PHACTR1: variants seen among roughly 807,000 people sequenced by gnomAD.
PHACTR1 encodes the protein phosphatase and actin regulator 1.
PHACTR1 carries 16 observed loss-of-function variants against 69.2 expected under a neutral mutation model. The observed-to-expected ratio is 0.23, with a 90% CI of 0.16 to 0.35. The LOEUF is 0.35. Ranked by LOEUF, PHACTR1 falls within the 10% of genes least tolerant of loss-of-function variation. The pLI is 1.00. For missense variants in PHACTR1, 510 were observed against 734.7 expected (o/e 0.69, Z 3.54); for synonymous variants, 312 against 284.5 (o/e 1.10, Z -0.97).
rs1292088611 is a variant in PHACTR1 at position 13,283,365 on chromosome 6, C to G, written c.1510-57C>G. The stretch of plus-strand genomic sequence containing the variant: ...ACACCTGCAAGTTCACAGACAGGAC[C>G]AAGTGCCATGGTCAACCCTTCTGGC... On this transcript the variant is annotated intron_variant, in intron 12 of 14. Coordinates refer to ENST00000332995, the MANE Select transcript of PHACTR1 (RefSeq NM_030948.6). This position sits in a 1 kb window ranked among gnomAD's most constrained non-coding sequence, Gnocchi z 4.7. 9.4e-6 allele frequency: 15 copies of G among 1,597,718 alleles called. No individual in the cohort carries two copies. The African/African-American group carries it at 1.7e-4, about 19-fold the overall frequency.
intron 5 of PHACTR1, among the ~76,000 whole-genome samples, chr6:13,155,240 C>G (rs527315630): frequency 3.3e-5 from 5 of 152,288 alleles, no homozygotes; most frequent in Admixed American, 2.6e-4. Context: ...CTTAATGTTA[C>G]CATGCTTCGG....
chr6:12,738,249 CT>C (rs1764553069), intron 3 of PHACTR1, among the ~76,000 whole-genome samples: 2 of 152,168 alleles, frequency 1.3e-5, no homozygotes, highest in Admixed American at 6.5e-5. Flanking sequence ...GCATTCTAGT[CT>C]GGGGTGCTCC....
rs1805284809 is a variant in PHACTR1, at chr6:13,047,641, T to A, written c.251-5724T>A. The stretch of plus-strand genomic sequence containing the variant: ...GGTCCTCCAAAAACCCTAGGAGCAT[T>A]TAGCACATGGGGAGATCTCCACTGG... On this transcript the variant is annotated intron_variant, in intron 4 of 14. Coordinates refer to ENST00000332995, the MANE Select transcript of PHACTR1 (RefSeq NM_030948.6). Among the ~76,000 whole-genome samples the A allele has an allele frequency of 2.0e-5, 3 of 151,476 alleles. No homozygotes were observed. In the South Asian group the frequency reaches 6.3e-4, roughly 32 times the overall value.
At chr6:12,747,130 A>C (rs1889062) in intron 3 of PHACTR1, among the ~76,000 whole-genome samples, 146,015 of 152,260 alleles carry the variant, frequency 0.96, 70,320 homozygotes, top group East Asian at 1. Flanking sequence ...ATAAACGGGA[A>C]ATAATAATGA....
At chr6:13,133,332 C>G (rs575699848) in intron 5 of PHACTR1, among the ~76,000 whole-genome samples, 1 of 150,548 alleles carries the variant, frequency 6.6e-6, no homozygotes, top group South Asian at 2.1e-4. Flanking sequence ...CACGGTCTCC[C>G]TCTGATGCCA....
chr6:13,189,170 GTAA>G (rs918137057), intron 7 of PHACTR1, among the ~76,000 whole-genome samples: 2 of 152,176 alleles, frequency 1.3e-5, no homozygotes, highest in Non-Finnish European at 2.9e-5. Flanking sequence ...TCACATTTGG[GTAA>G]TAATAATGTC....
At chr6:12,852,075 T>C (rs373945970) in intron 4 of PHACTR1, among the ~76,000 whole-genome samples, 3 of 152,170 alleles carry the variant, frequency 2.0e-5, no homozygotes, top group Admixed American at 2.0e-4. Flanking sequence ...CCTCAGGGGA[T>C]TCCCCCTCCT....
intron 4 of PHACTR1, among the ~76,000 whole-genome samples, chr6:12,892,860 G>A (rs1784294784): frequency 6.6e-6 from 1 of 152,210 alleles, no homozygotes; most frequent in African/African-American, 2.4e-5. Flanking sequence ...TATCATCATT[G>A]ATAGGGAGAA....
intron 4 of PHACTR1, among the ~76,000 whole-genome samples, chr6:12,976,845 C>T (rs897816086): frequency 2.0e-5 from 3 of 152,026 alleles, no homozygotes; most frequent in African/African-American, 7.3e-5. Flanking sequence ...TACTTAATTG[C>T]TCTACTTTAT....
At chr6:12,816,765 T>C (rs1245099653) in intron 4 of PHACTR1, among the ~76,000 whole-genome samples, 1 of 152,208 alleles carries the variant, frequency 6.6e-6, no homozygotes, top group African/African-American at 2.4e-5. Flanking sequence ...GAAAGATGTG[T>C]TGACAAGTGT....
chr6:13,017,960 A>C (rs1431396707), intron 4 of PHACTR1, among the ~76,000 whole-genome samples: 1 of 152,210 alleles, frequency 6.6e-6, no homozygotes, highest in Non-Finnish European at 1.5e-5. Context: ...TCATTTTACT[A>C]TATATGATTC....
intron 5 of PHACTR1, among the ~76,000 whole-genome samples, chr6:13,102,621 T>C (rs1202639805): frequency 2.6e-5 from 4 of 152,208 alleles, no homozygotes; most frequent in Admixed American, 6.5e-5. Context: ...ACCAAGCCTG[T>C]TGCCAGATCT....
chr6:13,171,183 A>G lies in PHACTR1; in HGVS notation c.496+10899A>G. ...CACAGTCCCCACCCCACCCCACCCC[A>G]CTTCCGCCCAAGTAGAGCCGAGATC... is the stretch of plus-strand genomic sequence containing the variant. On this transcript the variant is annotated intron_variant, in intron 6 of 14. Coordinates refer to ENST00000332995, the MANE Select transcript of PHACTR1 (RefSeq NM_030948.6). Among the ~76,000 whole-genome samples the G allele has an allele frequency of 3.7e-5, 3 of 80,798 alleles. No homozygotes were observed. In the Admixed American group the frequency reaches 4.0e-4, roughly 11 times the overall value. The allele number at this position is 80,798 out of a possible 152,430, so 53.0% of individuals were successfully genotyped here.
chr6:12,939,710 T>C (rs1358827215), intron 4 of PHACTR1, among the ~76,000 whole-genome samples: 1 of 151,830 alleles, frequency 6.6e-6, no homozygotes, highest in Non-Finnish European at 1.5e-5. Context: ...CCCCAGGAGC[T>C]AGGGGGGGCC....
intron 10 of PHACTR1, among the ~76,000 whole-genome samples, chr6:13,257,010 A>G (rs1451715072): frequency 6.6e-6 from 1 of 152,220 alleles, no homozygotes; most frequent in Non-Finnish European, 1.5e-5. Context: ...AACTGCTACA[A>G]AGAAATACCT....
At chr6:12,817,001 G>C (rs575542333) in intron 4 of PHACTR1, among the ~76,000 whole-genome samples, 1 of 152,258 alleles carries the variant, frequency 6.6e-6, no homozygotes, top group Admixed American at 6.5e-5. Flanking sequence ...GTGTGTGGGG[G>C]TGCATGTGTG....
chr6:12,861,289 C>T (rs1780913817), intron 4 of PHACTR1, among the ~76,000 whole-genome samples: 1 of 152,184 alleles, frequency 6.6e-6, no homozygotes, highest in African/African-American at 2.4e-5. Context: ...CGCTACTATT[C>T]AGAAGACAAA....
At chr6:13,104,307 T>A (rs1303728845) in intron 5 of PHACTR1, among the ~76,000 whole-genome samples, 5 of 152,108 alleles carry the variant, frequency 3.3e-5, no homozygotes, top group African/African-American at 1.2e-4. Flanking sequence ...AGAAAAAAAA[T>A]TTATTAAAGC....
chr6:13,169,974 C>T (rs1437916746), intron 6 of PHACTR1, among the ~76,000 whole-genome samples: 1 of 152,182 alleles, frequency 6.6e-6, no homozygotes, highest in Non-Finnish European at 1.5e-5. Context: ...ATGAAACTCA[C>T]ATAATAAAGT....
Sources: allele counts gnomAD v4.1 joint callset (sites outside exome capture counted in the v4.1 genomes callset), GRCh38; gene constraint gnomAD v4.1.1; non-coding constraint Gnocchi (gnomAD v3.1); transcripts MANE v1.5; gene names NCBI Gene and HGNC (gene_info 2026-07-23, HGNC 2026-07-21).